The following IL1RAPL1 variants were observed in gnomAD, a reference collection of about 807,000 sequenced individuals.
IL1RAPL1 encodes the protein interleukin-1 receptor accessory protein-like 1.
IL1RAPL1 carries 3 observed loss-of-function variants against 48.4 expected under a neutral mutation model. The observed-to-expected ratio is 0.06, with a 90% CI of 0.03 to 0.16. The LOEUF (loss-of-function observed/expected upper bound fraction) is 0.16. Ranked by LOEUF, IL1RAPL1 falls within the 10% of genes least tolerant of loss-of-function variation. The pLI is 1.00. For missense variants in IL1RAPL1, 349 were observed against 530.6 expected (o/e 0.66, Z 3.36); for synonymous variants, 185 against 187.7 (o/e 0.99, Z 0.12).
At chrX:29,784,779 T>A (rs1186079742) in intron 6 of IL1RAPL1, among the ~76,000 whole-genome samples, 1 of 111,493 alleles carries the variant, frequency 9.0e-6, no homozygotes, top group Admixed American at 9.5e-5. Context: ...ATGTGCTCTA[T>A]TCATCGTATC....
chrX:29,298,833 A>G (rs1489507222), intron 3 of IL1RAPL1, among the ~76,000 whole-genome samples: 1 of 111,274 alleles, frequency 9.0e-6, no homozygotes, highest in Non-Finnish European at 1.9e-5. Context: ...TTTTTTCAAG[A>G]TGCATTTGAT....
chrX:29,129,696 G>T (rs909576903), intron 2 of IL1RAPL1, among the ~76,000 whole-genome samples: 1 of 96,218 alleles, frequency 1.0e-5, no homozygotes, highest in South Asian at 5.3e-4. Flanking sequence ...CTGGGTTCAC[G>T]CCATTCTGCT....
At chrX:29,264,329 G>A (rs940574458) in intron 2 of IL1RAPL1, among the ~76,000 whole-genome samples, 1 of 111,333 alleles carries the variant, frequency 9.0e-6, no homozygotes, top group South Asian at 3.8e-4. Flanking sequence ...GCAGTCTCTG[G>A]AGTGTGTGTT....
chrX:29,806,005 C>A (rs1930246809), intron 6 of IL1RAPL1, among the ~76,000 whole-genome samples: 1 of 105,693 alleles, frequency 9.5e-6, no homozygotes, highest in Admixed American at 1.0e-4. Flanking sequence ...GGGATGGAGG[C>A]AGGGAGGGAG....
At chrX:29,443,657 C>T (rs948483754) in intron 5 of IL1RAPL1, among the ~76,000 whole-genome samples, 3 of 111,734 alleles carry the variant, frequency 2.7e-5, no homozygotes, top group African/African-American at 9.8e-5. Flanking sequence ...CAACCATCTA[C>T]CCCAAATATA....
chrX:29,065,710 T>C (rs1029412521), intron 2 of IL1RAPL1, among the ~76,000 whole-genome samples: 1 of 112,128 alleles, frequency 8.9e-6, no homozygotes, highest in African/African-American at 3.2e-5. Context: ...AGTTTTTCCA[T>C]TCTTTTTCCT....
intron 5 of IL1RAPL1, among the ~76,000 whole-genome samples, chrX:29,566,906 A>T (rs986940688): frequency 8.9e-6 from 1 of 111,978 alleles, no homozygotes; most frequent in African/African-American, 3.2e-5. Context: ...GAGCAGAGGA[A>T]TTTATATCAA....
chrX:29,393,509 C>A (rs1261207159), intron 3 of IL1RAPL1, among the ~76,000 whole-genome samples: 1 of 111,603 alleles, frequency 9.0e-6, no homozygotes, highest in East Asian at 2.8e-4. Context: ...TGGAGTCTTG[C>A]TCTTCACTTG....
At chrX:28,830,877 CT>C (rs1308655744) in intron 2 of IL1RAPL1, among the ~76,000 whole-genome samples, 4 of 109,470 alleles carry the variant, frequency 3.7e-5, no homozygotes, top group Non-Finnish European at 7.6e-5. Flanking sequence ...AGTCTGTATT[CT>C]TTTTTAAGGC....
intron 6 of IL1RAPL1, among the ~76,000 whole-genome samples, chrX:29,709,695 T>C (rs1263113924): frequency 1.8e-5 from 2 of 111,798 alleles, no homozygotes; most frequent in Non-Finnish European, 3.8e-5. Flanking sequence ...TTTCTATTTC[T>C]GTGAAAAATA....
chrX:28,859,547 C>T (rs985238176), intron 2 of IL1RAPL1, among the ~76,000 whole-genome samples: 9 of 110,862 alleles, frequency 8.1e-5, no homozygotes, highest in East Asian at 5.6e-4. Context: ...AGTGAGCCAC[C>T]GCGCCTGGGC....
chrX:28,865,490 G>A (rs948398075), intron 2 of IL1RAPL1, among the ~76,000 whole-genome samples: 1 of 110,797 alleles, frequency 9.0e-6, no homozygotes, highest in African/African-American at 3.3e-5. Flanking sequence ...AGGTTTGTGA[G>A]GCTTTCTCTA....
At chrX:28,951,263 A>G (rs1456313076) in intron 2 of IL1RAPL1, among the ~76,000 whole-genome samples, 1 of 109,133 alleles carries the variant, frequency 9.2e-6, no homozygotes, top group Non-Finnish European at 1.9e-5. Flanking sequence ...CCTAAAACTT[A>G]AAGTATAAAA....
At position 29,614,353 on chromosome X, in the gene IL1RAPL1, A is replaced by T. The variant is rs191066731; in HGVS notation, c.704-54077A>T. 3.4e-3 allele frequency among the ~76,000 whole-genome samples: 383 copies of T among 112,186 alleles called. 2 individuals are homozygous for T. The highest frequency in any genetic ancestry group is 3.8e-3 in the Non-Finnish European group (204 of 53,266). Reference sequence around the variant, plus strand: ...CTTTTGGGGCTTCTGTGACCCAATGAAGTGAAAATAAAGATGAAATATTTC... The same window carrying T: ...CTTTTGGGGCTTCTGTGACCCAATGTAGTGAAAATAAAGATGAAATATTTC... On this transcript the variant is annotated intron_variant, in intron 5 of 10. Coordinates refer to ENST00000378993, the MANE Select transcript of IL1RAPL1 (RefSeq NM_014271.4).
intron 6 of IL1RAPL1, among the ~76,000 whole-genome samples, chrX:29,822,470 T>G (rs1166625245): frequency 9.0e-6 from 1 of 111,324 alleles, no homozygotes; most frequent in African/African-American, 3.3e-5. Context: ...TTTTTTTTTT[T>G]GCATGTTTTG....
intron 5 of IL1RAPL1, among the ~76,000 whole-genome samples, chrX:29,580,667 A>G (rs1319244662): frequency 1.8e-5 from 2 of 111,827 alleles, no homozygotes; most frequent in Non-Finnish European, 3.8e-5. Context: ...GGTCTGTGTC[A>G]TATAACTCAT....
intron 5 of IL1RAPL1, among the ~76,000 whole-genome samples, chrX:29,434,116 A>G (rs1313116843): frequency 1.8e-5 from 2 of 110,243 alleles, no homozygotes; most frequent in African/African-American, 6.5e-5. Flanking sequence ...AAAAAATTAA[A>G]TAATTTCCAG....
intron 2 of IL1RAPL1, among the ~76,000 whole-genome samples, chrX:29,192,807 G>T (rs766783320): frequency 9.0e-6 from 1 of 111,272 alleles, no homozygotes; most frequent in South Asian, 3.7e-4. Context: ...TGGCGTGTGT[G>T]AATATATTAT....
chrX:28,859,721 A>AT (rs1452126899), intron 2 of IL1RAPL1, among the ~76,000 whole-genome samples: 2 of 108,564 alleles, frequency 1.8e-5, no homozygotes, highest in Non-Finnish European at 3.8e-5. Context: ...AAAAATTATT[A>AT]TTATTGATAT....
Sources: allele counts gnomAD v4.1 joint callset (sites outside exome capture counted in the v4.1 genomes callset), GRCh38; gene constraint gnomAD v4.1.1; transcripts MANE v1.5; gene names NCBI Gene and HGNC (gene_info 2026-07-23, HGNC 2026-07-21).